The following NUDT21 variants were observed in gnomAD, a reference collection of about 807,000 sequenced individuals.
NUDT21 encodes the protein cleavage and polyadenylation specificity factor subunit 5.
Under a neutral mutation model 29.8 loss-of-function variants are expected in NUDT21, and 5 were observed. The observed-to-expected ratio is 0.17, with a 90% CI of 0.09 to 0.35. The LOEUF is 0.35. Among genes scored for constraint, NUDT21 ranks in the 10% least tolerant of loss-of-function variants. The pLI is 1.00. For missense variants in NUDT21, 76 were observed against 276.0 expected (o/e 0.28, Z 5.13); for synonymous variants, 113 against 98.5 (o/e 1.15, Z -0.87).
intron 5 of NUDT21, 39 bp from the exon 6 acceptor site, chr16:56,434,484 T>TG: frequency 9.0e-7 from 1 of 1,109,436 alleles, no homozygotes; most frequent in Non-Finnish European, 1.4e-6. Context: ...AGTTATTATA[T>TG]AATCACTGCT....
At chr16:56,449,217 G>C (rs751732687) in intron 1 of NUDT21, 1 of 152,196 alleles carries the variant, frequency 6.6e-6, no homozygotes, top group Non-Finnish European at 1.5e-5. Context: ...TCTGTTGCAA[G>C]AGCCAGCTCC....
chr16:56,443,889 G>A (rs1176426603), intron 3 of NUDT21, among the ~76,000 whole-genome samples: 1 of 152,158 alleles, frequency 6.6e-6, no homozygotes, highest in African/African-American at 2.4e-5. Context: ...TTCTGTTATA[G>A]CAACATTAAA....
rs1342417546 is a variant in NUDT21, at chr16:56,451,252, G to A, written c.-50C>T. The A allele has an allele frequency of 5.8e-6, 8 of 1,382,824 alleles. No individual in the cohort carries two copies. The South Asian group carries it at 7.6e-5, about 13-fold the overall frequency. The allele number at this position is 1,382,824 out of a possible 1,614,324, so 85.7% of individuals were successfully genotyped here. A position where few individuals can be genotyped will look rare whatever the true frequency, so the allele number is the denominator to read the frequency against. The stretch of plus-strand genomic sequence containing the variant: ...CGAGCAGAAAGTGGCAGGCAGGGTA[G>A]ACTTTCCCCGTGCGGGAAGCGGTTA... On this transcript the variant is annotated 5_prime_UTR_variant, in exon 1 of 7. Transcript: ENST00000300291.
Position 56,447,779 on chromosome 16 carries a change from CACT to C in NUDT21, c.317+7_317+9del. The C allele has an allele frequency of 6.2e-7, 1 of 1,613,320 alleles. No individual in the cohort carries two copies. The highest frequency in any genetic ancestry group is 2.2e-5 in the East Asian group (1 of 44,878). On this transcript the variant is annotated splice_region_variant and intron_variant, in intron 2 of 6. Coordinates refer to ENST00000300291, the MANE Select transcript of NUDT21 (RefSeq NM_007006.3). ...AAACTGTCTTGCTGTTAATTTCCAA[CACT>C]ACTTACAGTTTGAAGAAAGTTGTTC...
chr16:56,449,821 C>T (rs186107884), intron 1 of NUDT21, among the ~76,000 whole-genome samples: 79 of 152,126 alleles, frequency 5.2e-4, no homozygotes, highest in African/African-American at 1.8e-3. Context: ...CCTATGTTGC[C>T]CAGACTGATC....
In NUDT21 at chr16:56,439,700, T is replaced by A; in HGVS notation, c.428A>T (p.Asp143Val). ...DGVLQDWVID[D>V]CIGNWWRPNF... is the part of the protein sequence containing the mutation. ...TGGTCTCCACCAGTTACCAATGCAA[T>A]CGTCAATGACCCAGTCTTGCAAAAC... The change falls in exon 4 of 7, where the codon GAT becomes GTT. Residue 143 changes from aspartate to valine, a missense_variant. By Grantham distance (152) the Asp-to-Val change is radical. Around this residue, in one of 5 missense-constraint regions of NUDT21, gnomAD observed 27 missense variants for 149.5 expected, o/e 0.18. Coordinates refer to ENST00000300291, the MANE Select transcript of NUDT21 (RefSeq NM_007006.3). The A allele has an allele frequency of 6.2e-7, 1 of 1,614,116 alleles. No homozygotes were observed. Among genetic ancestry groups the A allele is most frequent in the Non-Finnish European group, 8.5e-7 (1 of 1,179,996 alleles).
At position 56,451,138 on chromosome 16, in the gene NUDT21, T is replaced by C; in HGVS notation, c.65A>G (p.Asn22Ser). 2 of 1,613,688 alleles carry C rather than the reference T, an allele frequency of 1.2e-6. No individual in the cohort carries two copies. The highest frequency in any genetic ancestry group is 1.1e-5 in the South Asian group (1 of 91,036). ...GWPRGVTQFGNKYIQQTKPLT... is the reference protein window; with the variant it reads ...GWPRGVTQFGSKYIQQTKPLT... ...GGGCTTCGTCTGCTGGATGTACTTGTTGCCGAACTGAGTGACCCCCCGGGG... is the reference window on the plus strand; with the variant it reads ...GGGCTTCGTCTGCTGGATGTACTTGCTGCCGAACTGAGTGACCCCCCGGGG... The change falls in exon 1 of 7, where the codon AAC becomes AGC. Residue 22 changes from asparagine (N) to serine (S), a missense_variant. Physicochemically the swap from Asn to Ser is conservative, Grantham distance 46. Around this residue, in one of 5 missense-constraint regions of NUDT21, gnomAD observed 20 missense variants for 26.3 expected, o/e 0.76. Transcript: ENST00000300291.
At position 56,443,408 on chromosome 16, in the gene NUDT21, T is replaced by G. The variant is rs1206184227; in HGVS notation, c.381+3218A>C. On this transcript the variant is annotated intron_variant, in intron 3 of 6. Coordinates refer to ENST00000300291, the MANE Select transcript of NUDT21 (RefSeq NM_007006.3). ...TCAGGCTGGTCTCAAACTCCAGACC[T>G]CATGATCCACCCGCCTTGGCCTCCC... Among the ~76,000 whole-genome samples, 3 of 152,280 alleles carry G rather than the reference T, an allele frequency of 2.0e-5. No individual in the cohort carries two copies. The East Asian group carries it at 5.8e-4, about 29-fold the overall frequency.
rs1189441852 is a variant in NUDT21 at position 56,431,824 on chromosome 16, T to C, written c.*888A>G. On this transcript the variant is annotated 3_prime_UTR_variant, in exon 7 of 7. Transcript: ENST00000300291. ...CGGTTGATTCACATTATTCCAAAAA[T>C]ATTTTTGAAGGCTCTGTCATTTGCT... 1.3e-5 allele frequency: 2 copies of C among 152,210 alleles called. No homozygotes were observed. The highest frequency in any genetic ancestry group is 4.8e-5 in the African/African-American group (2 of 41,456). 9.4% of individuals were successfully genotyped at this position (152,210 alleles called of 1,614,324 possible).
rs1400012859 is a variant in NUDT21 at position 56,430,420 on chromosome 16, T to C, written c.*2292A>G. 1 of 152,226 alleles carries C rather than the reference T, an allele frequency of 6.6e-6. No homozygotes were observed. The highest frequency in any genetic ancestry group is 2.4e-5 in the African/African-American group (1 of 41,458). 9.4% of individuals were successfully genotyped at this position (152,226 alleles called of 1,614,324 possible). A position where few individuals can be genotyped will look rare whatever the true frequency, so the allele number is the denominator to read the frequency against. On this transcript the variant is annotated 3_prime_UTR_variant, in exon 7 of 7. Transcript: ENST00000300291. ...GATACTCAGGGAAAATAAGATGACA[T>C]ATATTGTAGTTTTAGAACGCAAAAG...
Position 56,435,433 on chromosome 16 carries a change from A to AAT in NUDT21, c.472-606_472-605dup, listed in dbSNP as rs1374840467. On this transcript the variant is annotated intron_variant, in intron 4 of 6. Coordinates refer to ENST00000300291, the MANE Select transcript of NUDT21 (RefSeq NM_007006.3). ...CCAGCCTAAAAGCTGGTTTTTTAAA[A>AAT]ATATATATATAGGCTGGGCACAGTG... Among the ~76,000 whole-genome samples the AAT allele has an allele frequency of 2.4e-4, 36 of 151,612 alleles. 1 individual carries two copies. Among genetic ancestry groups the AAT allele is most frequent in the African/African-American group, 8.2e-4 (34 of 41,330 alleles).
In NUDT21 at chr16:56,434,911, A is replaced by G. The variant is rs75325084; in HGVS notation, c.472-82T>C. On this transcript the variant is annotated intron_variant, in intron 4 of 6. Transcript: ENST00000300291. ...ATGTTTACTCCCCAGTATAGTATAA[A>G]CTGTTGGGAGAAGCATACTACTTTC... 3,084 of 829,388 alleles carry G rather than the reference A, an allele frequency of 3.7e-3. 62 individuals are homozygous for G. The African/African-American group carries it at 0.044, about 12-fold the overall frequency. 51.4% of individuals were successfully genotyped at this position (829,388 alleles called of 1,614,324 possible).
At chr16:56,447,485 C>A (rs1236433797) in intron 2 of NUDT21, among the ~76,000 whole-genome samples, 4 of 152,152 alleles carry the variant, frequency 2.6e-5, no homozygotes, top group African/African-American at 4.8e-5. Context: ...AAAGAAATAT[C>A]AATTGTTCTT....
At chr16:56,440,417 CAT>C (rs1173821272) in intron 3 of NUDT21, among the ~76,000 whole-genome samples, 1 of 152,236 alleles carries the variant, frequency 6.6e-6, no homozygotes, top group East Asian at 1.9e-4. Flanking sequence ...TGTCCTTTTT[CAT>C]TTTTCAGTCC....
At chr16:56,432,754 T>C (rs763537398) in intron 6 of NUDT21, 21 bp from the exon 7 acceptor site, 2 of 1,564,086 alleles carry the variant, frequency 1.3e-6, no homozygotes, top group Admixed American at 1.7e-5. Flanking sequence ...AAAAGAACAA[T>C]ACCTTTATTA....
chr16:56,449,837 C>A (rs1415144843), intron 1 of NUDT21, among the ~76,000 whole-genome samples: 1 of 152,116 alleles, frequency 6.6e-6, no homozygotes, highest in Admixed American at 6.5e-5. Flanking sequence ...TGATCTCCAA[C>A]TCCTGGCCTC....
intron 1 of NUDT21, 31 bp downstream of exon 1, chr16:56,451,056 G>C (rs1185829534): frequency 1.9e-6 from 3 of 1,588,610 alleles, no homozygotes; most frequent in Non-Finnish European, 2.6e-6. Context: ...TTTCACGAGA[G>C]AAATGCCCGC....
chr16:56,434,531 T>C lies in NUDT21; in HGVS notation c.548-86A>G, dbSNP rs575374353. On this transcript the variant is annotated intron_variant, in intron 5 of 6. Coordinates refer to ENST00000300291, the MANE Select transcript of NUDT21 (RefSeq NM_007006.3). ...TTTAAATTACCAATTTTACATTTAA[T>C]AAAAAGTGTAAGAAAAAAGATAATT... 7.3e-5 allele frequency: 63 copies of C among 857,336 alleles called. No homozygotes were observed. The African/African-American group carries it at 1.0e-3, about 14-fold the overall frequency. The allele number at this position is 857,336 out of a possible 1,614,324, so 53.1% of individuals were successfully genotyped here. A position where few individuals can be genotyped will look rare whatever the true frequency, so the allele number is the denominator to read the frequency against.
Position 56,430,773 on chromosome 16 carries a change from G to C in NUDT21, c.*1939C>G, listed in dbSNP as rs1962025139. ...GTTGCAACTTTTACATTCAAAACCA[G>C]ATCTCTTACATTTCAAGGTTAGTAA... On this transcript the variant is annotated 3_prime_UTR_variant, in exon 7 of 7. Coordinates refer to ENST00000300291, the MANE Select transcript of NUDT21 (RefSeq NM_007006.3). 1.3e-5 allele frequency: 2 copies of C among 152,224 alleles called. No homozygotes were observed. The highest frequency in any genetic ancestry group is 4.8e-5 in the African/African-American group (2 of 41,462). The allele number at this position is 152,224 out of a possible 1,614,324, so 9.4% of individuals were successfully genotyped here.
Sources: gnomAD v4.1 joint callset for allele counts (sites outside exome capture counted in the v4.1 genomes callset) on GRCh38, gnomAD v4.1.1 for gene constraint, gnomAD v4.1.1 regional missense constraint, MANE v1.5 for transcripts, NCBI Gene and HGNC (gene_info 2026-07-23, HGNC 2026-07-21) for gene names.